The following TRAF3IP1 variants were observed in gnomAD, a reference collection of about 807,000 sequenced individuals.
The protein encoded by TRAF3IP1 is intraflagellar transport 54.
Under a neutral mutation model 89.9 loss-of-function variants are expected in TRAF3IP1, and 53 were observed. That is an observed-to-expected ratio of 0.59 (90% CI 0.47 to 0.74). The LOEUF (loss-of-function observed/expected upper bound fraction) is 0.74. Among genes scored for constraint, TRAF3IP1 ranks in the 30% least tolerant of loss-of-function variants. The pLI is 0.00. For synonymous variants in TRAF3IP1, 311 were observed against 322.1 expected, an observed-to-expected ratio of 0.97 and a Z score of 0.37; for missense variants, 806 against 866.1, an observed-to-expected ratio of 0.93 and a Z score of 0.87.
intron 15 of TRAF3IP1, among the ~76,000 whole-genome samples, chr2:238,367,244 A>G (rs1245079842): frequency 6.6e-6 from 1 of 151,758 alleles, no homozygotes; most frequent in Non-Finnish European, 1.5e-5. Context: ...ATTGACTACT[A>G]AACAATGCCC....
chr2:238,379,247 C>A lies in TRAF3IP1; in HGVS notation c.1690-18212C>A, dbSNP rs1018143662. Among the ~76,000 whole-genome samples, 3 of 152,210 alleles carry A rather than the reference C, an allele frequency of 2.0e-5. No individual in the cohort carries two copies. The highest frequency in any genetic ancestry group is 2.1e-4 in the South Asian group (1 of 4,832). ...CCCACGAGTCTCCTCTTCAGAGAGG[C>A]CTTTCCTGTCCACCTAGCTGTGTGG... On this transcript the variant is annotated intron_variant, in intron 15 of 16. Transcript: ENST00000373327. This position sits in a 1 kb window ranked among gnomAD's most constrained non-coding sequence, Gnocchi z 4.0.
chr2:238,334,699 G>A (rs1010256820), intron 7 of TRAF3IP1, among the ~76,000 whole-genome samples: 3 of 152,232 alleles, frequency 2.0e-5, no homozygotes, highest in African/African-American at 7.2e-5. Context: ...ATGTAGTAGT[G>A]GGAATTTTCG....
chr2:238,399,027 T>G lies in TRAF3IP1; in HGVS notation c.*108T>G. On this transcript the variant is annotated 3_prime_UTR_variant, in exon 17 of 17. Transcript: ENST00000373327. ...CAGTTTGCTAAGAAAATGAACAGTT[T>G]ACAATGTTATTATCCAGCTAATTTT... is the stretch of plus-strand genomic sequence containing the variant. The G allele has an allele frequency of 1.0e-6, 1 of 984,516 alleles. No homozygotes were observed. The highest frequency in any genetic ancestry group is 1.5e-6 in the Non-Finnish European group (1 of 681,626). The allele number at this position is 984,516 out of a possible 1,614,324, so 61.0% of individuals were successfully genotyped here.
Position 238,325,185 on chromosome 2 carries a change from G to A in TRAF3IP1, c.124-121G>A. 5 of 951,548 alleles carry A rather than the reference G, an allele frequency of 5.3e-6. No homozygotes were observed. The South Asian group carries it at 6.8e-5, about 13-fold the overall frequency. 58.9% of individuals were successfully genotyped at this position (951,548 alleles called of 1,614,324 possible). On this transcript the variant is annotated intron_variant, in intron 1 of 16. Transcript: ENST00000373327. Reference sequence around the variant, plus strand: ...GTAGACATCAAATATTTCTTAAGTGGATGATTCAAATCTGGGCTGCTAGTC... The same window carrying A: ...GTAGACATCAAATATTTCTTAAGTGAATGATTCAAATCTGGGCTGCTAGTC...
intron 15 of TRAF3IP1, among the ~76,000 whole-genome samples, chr2:238,366,563 T>C (rs1448818335): frequency 1.3e-5 from 2 of 152,216 alleles, no homozygotes; most frequent in Non-Finnish European, 2.9e-5. Flanking sequence ...TCATGATTAC[T>C]CAGTGAATGA....
At chr2:238,368,495 C>T (rs1699977220) in intron 15 of TRAF3IP1, among the ~76,000 whole-genome samples, 1 of 152,098 alleles carries the variant, frequency 6.6e-6, no homozygotes, top group South Asian at 2.1e-4. Context: ...AATAAAGCCT[C>T]TTGATAATAC....
At chr2:238,347,105 G>A (rs550622585) in intron 9 of TRAF3IP1, 5 of 241,072 alleles carry the variant, frequency 2.1e-5, no homozygotes, top group Admixed American at 5.5e-5. Flanking sequence ...CTGTTGCATC[G>A]TTCCCTCACA....
At chr2:238,364,339 CT>C (rs1699784557) in intron 15 of TRAF3IP1, among the ~76,000 whole-genome samples, 1 of 151,560 alleles carries the variant, frequency 6.6e-6, no homozygotes, top group Admixed American at 6.6e-5. Context: ...ATTATCCTGA[CT>C]TTTTTGCTCT....
chr2:238,325,725 A>G, intron 2 of TRAF3IP1, 84 bp from the exon 3 acceptor site: 1 of 1,348,876 alleles, frequency 7.4e-7, no homozygotes, highest in Non-Finnish European at 1.0e-6. Flanking sequence ...AACAGAAACT[A>G]TCCTATGCCT....
chr2:238,358,228 A>AT (rs955391478), intron 15 of TRAF3IP1, among the ~76,000 whole-genome samples: 16 of 148,802 alleles, frequency 1.1e-4, no homozygotes, highest in African/African-American at 2.5e-4. Flanking sequence ...CTCCTGCTAC[A>AT]TTTTTTTTTT....
At chr2:238,372,332 C>T (rs1454085277) in intron 15 of TRAF3IP1, among the ~76,000 whole-genome samples, 2 of 152,088 alleles carry the variant, frequency 1.3e-5, no homozygotes, top group African/African-American at 4.8e-5. Flanking sequence ...GCCCTGTGTC[C>T]ATGTGTTCTC....
chr2:238,353,320 G>T, intron 14 of TRAF3IP1, 111 bp downstream of exon 14: 2 of 1,226,504 alleles, frequency 1.6e-6, no homozygotes, highest in Non-Finnish European at 2.4e-6. Flanking sequence ...GCCAGGTTCT[G>T]GTCTGGGTCA....
At chr2:238,352,633 T>C (rs1699224785) in intron 12 of TRAF3IP1, among the ~76,000 whole-genome samples, 194 bp from the exon 13 acceptor site, 1 of 152,000 alleles carries the variant, frequency 6.6e-6, no homozygotes, top group Non-Finnish European at 1.5e-5. Context: ...TCACAGGGAC[T>C]CAGGCCTGGA....
intron 5 of TRAF3IP1, among the ~76,000 whole-genome samples, chr2:238,331,522 G>A (rs916804385): frequency 6.6e-6 from 1 of 152,140 alleles, no homozygotes; most frequent in Non-Finnish European, 1.5e-5. Flanking sequence ...CTGATATTTG[G>A]GAACATATCA....
chr2:238,361,498 C>T (rs1253325449), intron 15 of TRAF3IP1, among the ~76,000 whole-genome samples: 1 of 152,044 alleles, frequency 6.6e-6, no homozygotes, highest in African/African-American at 2.4e-5. Context: ...GTTTAGTCTT[C>T]TTTTTCACGT....
intron 8 of TRAF3IP1, among the ~76,000 whole-genome samples, chr2:238,340,860 C>G (rs11904658): frequency 0.12 from 17,352 of 143,910 alleles, 1,696 homozygotes; most frequent in African/African-American, 0.28. Flanking sequence ...GAGAGAGAGA[C>G]AGAGAGACAG....
Position 238,320,639 on chromosome 2 carries a change from G to C in TRAF3IP1, c.-24G>C. 1 of 1,313,644 alleles carries C rather than the reference G, an allele frequency of 7.6e-7. No homozygotes were observed. The highest frequency in any genetic ancestry group is 9.9e-7 in the Non-Finnish European group (1 of 1,013,184). 81.4% of individuals were successfully genotyped at this position (1,313,644 alleles called of 1,614,324 possible). A position where few individuals can be genotyped will look rare whatever the true frequency, so the allele number is the denominator to read the frequency against. On this transcript the variant is annotated 5_prime_UTR_variant, in exon 1 of 17. Coordinates refer to ENST00000373327, the MANE Select transcript of TRAF3IP1 (RefSeq NM_015650.4). ...GCCAGGCCGGCTGAGGGGCGCGGGCGGCCAGCGGGCGGCGGACGCCGTCAT... is the reference window on the plus strand; with the variant it reads ...GCCAGGCCGGCTGAGGGGCGCGGGCCGCCAGCGGGCGGCGGACGCCGTCAT...
intron 9 of TRAF3IP1, 80 bp from the exon 10 acceptor site, chr2:238,347,375 T>A: frequency 6.8e-7 from 1 of 1,480,768 alleles, no homozygotes; most frequent in Middle Eastern, 1.7e-4. Flanking sequence ...AGTGTGTTTT[T>A]TCTCCAATTC....
chr2:238,332,948 A>G (rs2106369784), intron 6 of TRAF3IP1, 53 bp downstream of exon 6: 1 of 1,392,558 alleles, frequency 7.2e-7, no homozygotes, highest in East Asian at 2.3e-5. Flanking sequence ...CTGTGTTGAA[A>G]TAGTGAATGC....
Sources: gnomAD v4.1 joint callset for allele counts (sites outside exome capture counted in the v4.1 genomes callset) on GRCh38, gnomAD v4.1.1 for gene constraint, Gnocchi (gnomAD v3.1) non-coding constraint, MANE v1.5 for transcripts, NCBI Gene and HGNC (gene_info 2026-07-23, HGNC 2026-07-21) for gene names.